Variants in SNX24 observed in about 807,000 individuals in gnomAD.
SNX24 encodes the protein sorting nexin 24, also known as sorting nexin-24.
Under a neutral mutation model 28.7 loss-of-function variants are expected in SNX24, and 22 were observed. That is an observed-to-expected ratio of 0.77 (90% CI 0.55 to 1.10). The LOEUF (loss-of-function observed/expected upper bound fraction) is 1.10, where lower values mean the gene tolerates loss of function less well. SNX24 is among the 50% of genes least tolerant of loss of function. The pLI is 0.00. For synonymous variants in SNX24, 69 were observed against 71.5 expected (o/e 0.96, Z 0.18); for missense variants, 221 against 201.1 (o/e 1.10, Z -0.60).
chr5:122,846,449 GTACACCTTGGAAGAATTTAC>G (rs1293775940), intron 1 of SNX24, among the ~76,000 whole-genome samples: 1 of 152,226 alleles, frequency 6.6e-6, no homozygotes. Flanking sequence ...CTGAGTGTGT[GTACACCTTGGAAGAATTTAC>G]TTCCAGTTGT....
intron 3 of SNX24, among the ~76,000 whole-genome samples, chr5:122,961,523 C>G (rs1760488171): frequency 6.6e-6 from 1 of 152,158 alleles, no homozygotes; most frequent in Non-Finnish European, 1.5e-5. Context: ...ATATTAATGG[C>G]TGGGATTGTC....
Position 122,885,999 on chromosome 5 carries a change from G to GA in SNX24, c.60+40306_60+40307insA, listed in dbSNP as rs371153193. Among the ~76,000 whole-genome samples the GA allele has an allele frequency of 8.2e-4, 8 of 9,718 alleles. No homozygotes were observed. In the East Asian group the frequency reaches 0.3, roughly 364 times the overall value. The allele number at this position is 9,718 out of a possible 152,430, so 6.4% of individuals were successfully genotyped here. On this transcript the variant is annotated intron_variant, in intron 1 of 6. Transcript: ENST00000261369. The stretch of plus-strand genomic sequence containing the variant: ...CGCTGATCCGACCTGCTGTGTGGCT[G>GA]GTTCCTAACAGGCCACAGACCGTTT...
At chr5:122,943,853 C>T (rs1759567542) in intron 2 of SNX24, among the ~76,000 whole-genome samples, 1 of 152,162 alleles carries the variant, frequency 6.6e-6, no homozygotes, top group Non-Finnish European at 1.5e-5. Flanking sequence ...CCCCCACAGC[C>T]CTTTTTCTCT....
intron 1 of SNX24, among the ~76,000 whole-genome samples, chr5:122,874,013 A>G (rs1376470388): frequency 1.3e-5 from 2 of 151,882 alleles, no homozygotes; most frequent in East Asian, 3.9e-4. Context: ...CATGTGATCC[A>G]CCCGCCCTGG....
At chr5:122,852,074 ATGTG>A (rs925634940) in intron 1 of SNX24, among the ~76,000 whole-genome samples, 5 of 151,184 alleles carry the variant, frequency 3.3e-5, no homozygotes, top group Admixed American at 6.6e-5. Context: ...TATTTTATAT[ATGTG>A]TGTGTGTATA....
intron 1 of SNX24, among the ~76,000 whole-genome samples, chr5:122,912,454 C>T (rs1213553503): frequency 2.0e-5 from 3 of 151,902 alleles, no homozygotes; most frequent in East Asian, 3.9e-4. Flanking sequence ...TAATTGAATA[C>T]CCTTTATTTC....
chr5:122,952,039 A>G (rs1008820624), intron 3 of SNX24, among the ~76,000 whole-genome samples: 3 of 152,250 alleles, frequency 2.0e-5, no homozygotes, highest in African/African-American at 7.2e-5. Flanking sequence ...TTCATGCACA[A>G]AATTATTTAA....
chr5:122,959,183 C>T (rs924555124), intron 3 of SNX24, among the ~76,000 whole-genome samples: 1 of 151,818 alleles, frequency 6.6e-6, no homozygotes, highest in Admixed American at 6.6e-5. Flanking sequence ...GAGACCTGTT[C>T]AGATTTTCTA....
intron 3 of SNX24, among the ~76,000 whole-genome samples, chr5:122,954,953 C>T (rs1760140267): frequency 6.6e-6 from 1 of 152,102 alleles, no homozygotes; most frequent in African/African-American, 2.4e-5. Context: ...ACTGAGTACA[C>T]TTTCAGCTCC....
intron 5 of SNX24, among the ~76,000 whole-genome samples, chr5:123,017,225 T>C (rs1459796445): frequency 6.6e-6 from 1 of 152,064 alleles, no homozygotes; most frequent in Non-Finnish European, 1.5e-5. Context: ...TCGAATTTAA[T>C]GGTTTGCAGA....
At chr5:123,026,334 A>G (rs942987368) in intron 5 of SNX24, among the ~76,000 whole-genome samples, 1 of 152,136 alleles carries the variant, frequency 6.6e-6, no homozygotes, top group Admixed American at 6.5e-5. Flanking sequence ...GAGCCATCCT[A>G]GTGGCTGTGC....
At chr5:123,010,260 G>A (rs1762546798), downstream of SNX24, among the ~76,000 whole-genome samples, 1 of 151,876 alleles carries the variant, frequency 6.6e-6, no homozygotes. Context: ...GCCTTCTACA[G>A]CTCAGGAATG....
chr5:122,879,498 A>G (rs1581698777), intron 1 of SNX24, among the ~76,000 whole-genome samples: 1 of 152,286 alleles, frequency 6.6e-6, no homozygotes, highest in South Asian at 2.1e-4. Flanking sequence ...TCCTTAAGTA[A>G]ATGGAACTGT....
chr5:122,995,955 G>A (rs1323041169), intron 3 of SNX24, among the ~76,000 whole-genome samples: 1 of 152,136 alleles, frequency 6.6e-6, no homozygotes, highest in Non-Finnish European at 1.5e-5. Flanking sequence ...CAACGATAGA[G>A]TGGAAAATCA....
intron 3 of SNX24, among the ~76,000 whole-genome samples, chr5:122,947,105 A>G (rs575017482): frequency 1.3e-5 from 2 of 152,320 alleles, no homozygotes; most frequent in East Asian, 3.9e-4. Context: ...CTGGACTCCC[A>G]CCTAAGAGCT....
chr5:122,903,503 G>A (rs771077456), intron 1 of SNX24, among the ~76,000 whole-genome samples: 15 of 152,032 alleles, frequency 9.9e-5, no homozygotes, highest in Non-Finnish European at 1.8e-4. Context: ...CTTTCCCTCC[G>A]CTGGTCTGTG....
chr5:122,878,643 A>G lies in SNX24; in HGVS notation c.60+32950A>G, dbSNP rs10039401. Among the ~76,000 whole-genome samples, 484 of 152,206 alleles carry G rather than the reference A, an allele frequency of 3.2e-3. 2 individuals are homozygous for G. The highest frequency in any genetic ancestry group is 0.011 in the African/African-American group (468 of 41,518). On this transcript the variant is annotated intron_variant, in intron 1 of 6. Coordinates refer to ENST00000261369, the MANE Select transcript of SNX24 (RefSeq NM_014035.4). ...TTGGAGTTGTTTTCCCTGTCAGGAA[A>G]AACATCAAGGGATGAATTTAGAGCA... is the stretch of plus-strand genomic sequence containing the variant.
At chr5:122,962,175 T>C (rs547985970) in intron 3 of SNX24, among the ~76,000 whole-genome samples, 1 of 152,344 alleles carries the variant, frequency 6.6e-6, no homozygotes, top group Admixed American at 6.5e-5. Flanking sequence ...CCCAGTGATT[T>C]ACATGCTTTC....
intron 1 of SNX24, among the ~76,000 whole-genome samples, chr5:122,921,058 G>A (rs1192171246): frequency 6.6e-6 from 1 of 151,128 alleles, no homozygotes; most frequent in Non-Finnish European, 1.5e-5. Flanking sequence ...AGCATTTTTG[G>A]TAAAGAATAT....
Sources: allele counts gnomAD v4.1 joint callset (sites outside exome capture counted in the v4.1 genomes callset), GRCh38; gene constraint gnomAD v4.1.1; transcripts MANE v1.5; gene names NCBI Gene and HGNC (gene_info 2026-07-23, HGNC 2026-07-21).